Variants in GRM7 observed in about 807,000 individuals in gnomAD.
GRM7 encodes the protein glutamate metabotropic receptor 7, also known as metabotropic glutamate receptor 7.
A neutral mutation model predicts 84.5 loss-of-function variants in GRM7; 35 were observed. The ratio of observed to expected loss-of-function variants is 0.41; its 90% CI spans 0.32 to 0.55. The LOEUF (loss-of-function observed/expected upper bound fraction) is 0.55. Among genes scored for constraint, GRM7 ranks in the 20% least tolerant of loss-of-function variants. The pLI, the probability that GRM7 is intolerant of heterozygous loss-of-function variation, is 0.19. For missense variants in GRM7, 1,003 were observed against 1,194.6 expected (o/e 0.84, Z 2.36); for synonymous variants, 487 against 455.1 (o/e 1.07, Z -0.89).
intron 4 of GRM7, among the ~76,000 whole-genome samples, chr3:7,385,596 G>A (rs1221695043): frequency 2.0e-5 from 3 of 151,976 alleles, no homozygotes; most frequent in Non-Finnish European, 4.4e-5. Flanking sequence ...CACTGCACCC[G>A]GCCCCTCTAT....
chr3:7,018,894 C>G (rs1051245026), intron 1 of GRM7, among the ~76,000 whole-genome samples: 1 of 152,092 alleles, frequency 6.6e-6, no homozygotes, highest in South Asian at 2.1e-4. Flanking sequence ...GTTAGGAGTT[C>G]GAGACCAGCC....
intron 8 of GRM7, among the ~76,000 whole-genome samples, chr3:7,649,231 G>A (rs926139813): frequency 8.6e-5 from 13 of 151,966 alleles, no homozygotes; most frequent in Middle Eastern, 3.4e-3. Context: ...TACCACGCCC[G>A]GCTAATTTTA....
chr3:7,661,193 TG>T (rs1304982925), intron 8 of GRM7, among the ~76,000 whole-genome samples: 1 of 152,190 alleles, frequency 6.6e-6, no homozygotes, highest in African/African-American at 2.4e-5. Flanking sequence ...GAAAATTTTT[TG>T]CGAAGCATGT....
chr3:7,704,386 A>G (rs1339883791), intron 9 of GRM7, among the ~76,000 whole-genome samples: 2 of 152,206 alleles, frequency 1.3e-5, no homozygotes, highest in Non-Finnish European at 2.9e-5. Context: ...CAAATTCTTT[A>G]TAGAGAACAT....
rs114190926 is a variant in GRM7 at position 6,949,762 on chromosome 3, T to G, written c.519+87855T>G. ...TGGAGGCTTTGTTTGTTTCGTTTTATTCTTTTTTCTCTAAACTTCTTTTCA... is the reference window on the plus strand; with the variant it reads ...TGGAGGCTTTGTTTGTTTCGTTTTAGTCTTTTTTCTCTAAACTTCTTTTCA... On this transcript the variant is annotated intron_variant, in intron 1 of 9. Coordinates refer to ENST00000357716, the MANE Select transcript of GRM7 (RefSeq NM_000844.4). Among the ~76,000 whole-genome samples, 1,260 of 152,318 alleles carry G rather than the reference T, an allele frequency of 8.3e-3. 19 individuals carry two copies. Among genetic ancestry groups the G allele is most frequent in the African/African-American group, 0.029 (1,208 of 41,560 alleles).
intron 1 of GRM7, among the ~76,000 whole-genome samples, chr3:7,100,754 T>A (rs924540753): frequency 6.6e-6 from 1 of 151,826 alleles, no homozygotes; most frequent in Admixed American, 6.6e-5. Flanking sequence ...ATTATTTCCA[T>A]CTACACAAAA....
chr3:7,626,487 T>G (rs1395615416), intron 8 of GRM7, among the ~76,000 whole-genome samples: 1 of 152,156 alleles, frequency 6.6e-6, no homozygotes, highest in African/African-American at 2.4e-5. Flanking sequence ...TTCTCACAGT[T>G]CTGGAGGCTG....
At chr3:7,440,193 G>A (rs1697230601) in intron 5 of GRM7, among the ~76,000 whole-genome samples, 1 of 152,146 alleles carries the variant, frequency 6.6e-6, no homozygotes, top group Non-Finnish European at 1.5e-5. Context: ...ATGTTCTAGA[G>A]GAGGGAAGTC....
chr3:6,898,655 G>A (rs1314388846), intron 1 of GRM7, among the ~76,000 whole-genome samples: 1 of 151,942 alleles, frequency 6.6e-6, no homozygotes, highest in Non-Finnish European at 1.5e-5. Flanking sequence ...CCAAAAATAG[G>A]TTGGCTGAGG....
At chr3:7,526,276 GTC>G (rs1700804049) in intron 7 of GRM7, among the ~76,000 whole-genome samples, 1 of 152,020 alleles carries the variant, frequency 6.6e-6, no homozygotes, top group East Asian at 1.9e-4. Flanking sequence ...TTTGATTAGT[GTC>G]TCTCTGCCAA....
At chr3:7,118,609 G>A (rs1693120146) in intron 1 of GRM7, among the ~76,000 whole-genome samples, 1 of 139,088 alleles carries the variant, frequency 7.2e-6, no homozygotes, top group Admixed American at 7.0e-5. Context: ...TCCAATTTCT[G>A]CTAAAAAAAA....
intron 1 of GRM7, among the ~76,000 whole-genome samples, chr3:7,000,560 AGTC>A (rs1694979384): frequency 6.6e-6 from 1 of 152,170 alleles, no homozygotes. Context: ...CTACAAGTAG[AGTC>A]CATTATAACT....
intron 2 of GRM7, among the ~76,000 whole-genome samples, chr3:7,271,964 CAG>C (rs150791314): frequency 0.043 from 6,494 of 152,154 alleles, 181 homozygotes; most frequent in Middle Eastern, 0.092. Flanking sequence ...ATTAAGGAAA[CAG>C]AAATCTGAAA....
intron 8 of GRM7, among the ~76,000 whole-genome samples, chr3:7,613,356 A>G (rs1329408389): frequency 6.6e-6 from 1 of 152,230 alleles, no homozygotes; most frequent in African/African-American, 2.4e-5. Context: ...TATGTCATGC[A>G]TATTTCAACA....
intron 8 of GRM7, among the ~76,000 whole-genome samples, chr3:7,602,952 A>G (rs1009645107): frequency 1.5e-4 from 23 of 152,152 alleles, no homozygotes; most frequent in African/African-American, 5.5e-4. Context: ...GTTGTAGGTT[A>G]TTCTGGTTGG....
intron 2 of GRM7, among the ~76,000 whole-genome samples, chr3:7,294,436 A>G (rs1437616662): frequency 1.3e-5 from 2 of 152,094 alleles, no homozygotes; most frequent in Non-Finnish European, 2.9e-5. Flanking sequence ...CATGGCATTG[A>G]GACTGTCATC....
intron 4 of GRM7, chr3:7,403,086 A>G: frequency 2.4e-6 from 1 of 410,522 alleles, no homozygotes; most frequent in Non-Finnish European, 4.9e-6. Context: ...TGGTTCTTCT[A>G]TAGTTATTAA....
intron 4 of GRM7, among the ~76,000 whole-genome samples, chr3:7,406,033 A>G (rs1695660606): frequency 6.6e-6 from 1 of 151,932 alleles, no homozygotes; most frequent in South Asian, 2.1e-4. Flanking sequence ...ATAACATAAA[A>G]ACACACATTT....
chr3:7,041,162 G>A (rs1324481955), intron 1 of GRM7, among the ~76,000 whole-genome samples: 1 of 151,138 alleles, frequency 6.6e-6, no homozygotes, highest in African/African-American at 2.4e-5. Context: ...ATAAAATTAA[G>A]CACAAATAAA....
Sources: allele counts gnomAD v4.1 joint callset (sites outside exome capture counted in the v4.1 genomes callset), GRCh38; gene constraint gnomAD v4.1.1; transcripts MANE v1.5; gene names NCBI Gene and HGNC (gene_info 2026-07-23, HGNC 2026-07-21).